The following THSD7A variants were observed in gnomAD, a reference collection of about 807,000 sequenced individuals.
The protein encoded by THSD7A is thrombospondin type-1 domain-containing protein 7A.
THSD7A carries 96 observed loss-of-function variants against 231.3 expected under a neutral mutation model. That is an observed-to-expected ratio of 0.41 (90% CI 0.35 to 0.49). THSD7A has a LOEUF of 0.49. THSD7A is among the 20% of genes least tolerant of loss of function. The probability of loss-of-function intolerance (pLI) is 0.05; values close to 1 mark genes in which losing one functional copy is unlikely to be tolerated. For synonymous variants in THSD7A, 940 were observed against 743.3 expected, an observed-to-expected ratio of 1.26 and a Z score of -4.30; for missense variants, 2,290 against 2,070.2, an observed-to-expected ratio of 1.11 and a Z score of -2.06.
intron 1 of THSD7A, among the ~76,000 whole-genome samples, chr7:11,697,078 T>C (rs1306237873): frequency 6.6e-6 from 1 of 151,564 alleles, no homozygotes; most frequent in South Asian, 2.1e-4. Flanking sequence ...ACGATTTTGA[T>C]GACTTTCCCT....
chr7:11,661,674 A>G (rs1309947951), intron 1 of THSD7A, among the ~76,000 whole-genome samples: 1 of 151,244 alleles, frequency 6.6e-6, no homozygotes. Flanking sequence ...AGGACATGGT[A>G]AAAATCTTTA....
At chr7:11,436,509 T>C (rs976416532) in intron 13 of THSD7A, among the ~76,000 whole-genome samples, 1 of 152,032 alleles carries the variant, frequency 6.6e-6, no homozygotes, top group Non-Finnish European at 1.5e-5. Context: ...ATACAAACTA[T>C]GACTCTCTGA....
At chr7:11,786,474 G>C (rs1276958716) in intron 1 of THSD7A, among the ~76,000 whole-genome samples, 1 of 152,010 alleles carries the variant, frequency 6.6e-6, no homozygotes, top group South Asian at 2.1e-4. Flanking sequence ...TCTTGCAACA[G>C]TAAGTTGTTA....
chr7:11,438,340 T>G (rs1038832840), intron 13 of THSD7A, among the ~76,000 whole-genome samples: 9 of 152,046 alleles, frequency 5.9e-5, no homozygotes, highest in Non-Finnish European at 1.2e-4. Context: ...TTTTCCTCAT[T>G]TGTAATATTT....
chr7:11,674,254 C>T (rs548670006), intron 1 of THSD7A, among the ~76,000 whole-genome samples: 21 of 152,182 alleles, frequency 1.4e-4, no homozygotes, highest in African/African-American at 4.3e-4. Flanking sequence ...TCATCTCTCA[C>T]GCCCTGCCTC....
intron 1 of THSD7A, among the ~76,000 whole-genome samples, chr7:11,684,095 G>C (rs933886714): frequency 4.0e-5 from 6 of 151,874 alleles, no homozygotes; most frequent in African/African-American, 1.4e-4. Flanking sequence ...ATTGATAAAT[G>C]TGATTCACTA....
intron 13 of THSD7A, among the ~76,000 whole-genome samples, chr7:11,431,326 T>A (rs903281330): frequency 7.2e-5 from 11 of 152,302 alleles, no homozygotes; most frequent in South Asian, 2.1e-4. Context: ...ATTTAATAGT[T>A]TTAGCTCTTA....
chr7:11,625,184 T>C (rs1443252392), intron 2 of THSD7A, among the ~76,000 whole-genome samples: 1 of 152,152 alleles, frequency 6.6e-6, no homozygotes, highest in Non-Finnish European at 1.5e-5. Flanking sequence ...GGTTAGTTTG[T>C]GATCTGTTAT....
chr7:11,792,544 A>C (rs532424386), intron 1 of THSD7A, among the ~76,000 whole-genome samples: 1 of 151,938 alleles, frequency 6.6e-6, no homozygotes, highest in East Asian at 1.9e-4. Context: ...GCAAATACAA[A>C]TTCCAGGAGC....
At chr7:11,463,154 CAGAA>C (rs1785568362) in intron 9 of THSD7A, among the ~76,000 whole-genome samples, 1 of 152,074 alleles carries the variant, frequency 6.6e-6, no homozygotes, top group Admixed American at 6.6e-5. Context: ...AATGTTTAAT[CAGAA>C]ATCAAATGAA....
chr7:11,469,666 A>G (rs970086612), intron 9 of THSD7A, among the ~76,000 whole-genome samples: 1 of 152,170 alleles, frequency 6.6e-6, no homozygotes, highest in Non-Finnish European at 1.5e-5. Flanking sequence ...ATATCATAAA[A>G]TTTCAAGCCA....
At chr7:11,749,560 T>C (rs1202626281) in intron 1 of THSD7A, among the ~76,000 whole-genome samples, 2 of 151,994 alleles carry the variant, frequency 1.3e-5, no homozygotes, top group Non-Finnish European at 2.9e-5. Flanking sequence ...TTAAAAGTCT[T>C]CTTGTAATTG....
chr7:11,561,447 A>G (rs760659570), intron 4 of THSD7A, among the ~76,000 whole-genome samples: 1 of 152,220 alleles, frequency 6.6e-6, no homozygotes, highest in Non-Finnish European at 1.5e-5. Flanking sequence ...TAATTAAATT[A>G]TTATTAAAAT....
rs1004662842 is a variant in THSD7A at position 11,728,792 on chromosome 7, G to T, written c.191-91831C>A. On this transcript the variant is annotated intron_variant, in intron 1 of 27. Transcript: ENST00000423059. ...ACTAAATATTAGTAACATGTAATGT[G>T]TTTATTTTCTAATAGTTTCAGGCTT... Among the ~76,000 whole-genome samples the T allele has an allele frequency of 2.6e-5, 4 of 151,714 alleles. No individual in the cohort carries two copies. The East Asian group carries it at 7.8e-4, about 30-fold the overall frequency.
At chr7:11,564,104 G>A (rs570197120) in intron 4 of THSD7A, among the ~76,000 whole-genome samples, 371 of 152,268 alleles carry the variant, frequency 2.4e-3, no homozygotes, top group Non-Finnish European at 4.0e-3. Context: ...ACAATCGAGT[G>A]AAAGATACAC....
intron 1 of THSD7A, among the ~76,000 whole-genome samples, chr7:11,711,872 C>T (rs1007539438): frequency 6.6e-6 from 1 of 151,114 alleles, no homozygotes; most frequent in African/African-American, 2.4e-5. Context: ...ATAAAAGCCT[C>T]ACAAGCATGT....
At chr7:11,796,156 G>A (rs986519508) in intron 1 of THSD7A, among the ~76,000 whole-genome samples, 7 of 148,150 alleles carry the variant, frequency 4.7e-5, no homozygotes, top group South Asian at 2.1e-4. Flanking sequence ...TCATCGTCTC[G>A]TGTGTTCTAG....
chr7:11,642,983 G>T (rs753804103), intron 1 of THSD7A, among the ~76,000 whole-genome samples: 1 of 152,118 alleles, frequency 6.6e-6, no homozygotes, highest in Middle Eastern at 3.4e-3. Flanking sequence ...ACAATAAAAG[G>T]TTGAGTCTAT....
intron 1 of THSD7A, among the ~76,000 whole-genome samples, chr7:11,656,223 A>T (rs975361326): frequency 2.0e-5 from 3 of 151,944 alleles, no homozygotes; most frequent in Non-Finnish European, 4.4e-5. Flanking sequence ...ATTAAGAGTG[A>T]ATGCATGACA....
Sources: gnomAD v4.1 joint callset for allele counts (sites outside exome capture counted in the v4.1 genomes callset) on GRCh38, gnomAD v4.1.1 for gene constraint, MANE v1.5 for transcripts, NCBI Gene and HGNC (gene_info 2026-07-23, HGNC 2026-07-21) for gene names.